The following PBX1 variants were observed in gnomAD, a reference collection of about 807,000 sequenced individuals.
PBX1 encodes pre-B-cell leukemia transcription factor 1.
Under a neutral mutation model 53.4 loss-of-function variants are expected in PBX1, and 6 were observed. That is an observed-to-expected ratio of 0.11 (90% CI 0.06 to 0.22). The LOEUF (loss-of-function observed/expected upper bound fraction) is 0.22, where lower values mean the gene tolerates loss of function less well. Ranked by LOEUF, PBX1 falls within the 10% of genes least tolerant of loss-of-function variation. The pLI is 1.00. For missense variants in PBX1, 251 were observed against 551.4 expected, an observed-to-expected ratio of 0.46 and a Z score of 5.46; for synonymous variants, 204 against 212.3, an observed-to-expected ratio of 0.96 and a Z score of 0.34.
intron 5 of PBX1, among the ~76,000 whole-genome samples, chr1:164,810,015 A>G (rs1174493647): frequency 6.6e-6 from 1 of 152,218 alleles, no homozygotes. Context: ...GCAATGTTCT[A>G]TATGCTTTAT....
chr1:164,725,530 T>C (rs1477688262), intron 2 of PBX1, among the ~76,000 whole-genome samples: 1 of 152,036 alleles, frequency 6.6e-6, no homozygotes, highest in Non-Finnish European at 1.5e-5. Flanking sequence ...TTATCTTCTC[T>C]AACGCCTTTC....
chr1:164,860,381 G>A (rs1055315556), intron 2 of PBX1, among the ~76,000 whole-genome samples: 1 of 152,136 alleles, frequency 6.6e-6, no homozygotes, highest in African/African-American at 2.4e-5. Context: ...CTGTTAAAAT[G>A]ATAGATAATG....
Position 164,846,487 on chromosome 1 carries a change from T to C in PBX1, c.1201-97T>C. The C allele has an allele frequency of 1.0e-5, 10 of 993,012 alleles. No individual in the cohort carries two copies. In the South Asian group the frequency reaches 1.0e-4, roughly 10 times the overall value. The allele number at this position is 993,012 out of a possible 1,614,324, so 61.5% of individuals were successfully genotyped here. A position where few individuals can be genotyped will look rare whatever the true frequency, so the allele number is the denominator to read the frequency against. ...GAGTGTCTCCATGTGCCAGGCACTA[T>C]GCTAGGTCCTTTACACAAGATGCCT... is the stretch of plus-strand genomic sequence containing the variant. On this transcript the variant is annotated intron_variant, in intron 8 of 8. Coordinates refer to ENST00000420696, the MANE Select transcript of PBX1 (RefSeq NM_002585.4).
chr1:164,816,839 GT>G (rs1460140071), intron 6 of PBX1: 3 of 151,608 alleles, frequency 2.0e-5, no homozygotes, highest in South Asian at 4.2e-4. Flanking sequence ...TTTTTTTATT[GT>G]TTTTTGCTTT....
intron 2 of PBX1, among the ~76,000 whole-genome samples, chr1:164,606,519 TG>T (rs1656571854): frequency 6.6e-6 from 1 of 152,312 alleles, no homozygotes; most frequent in African/African-American, 2.4e-5. Context: ...AAGGTTTCAG[TG>T]AGCTGAGGTA....
intron 3 of PBX1, among the ~76,000 whole-genome samples, chr1:164,796,707 C>T (rs376892566): frequency 8.5e-5 from 13 of 152,306 alleles, no homozygotes; most frequent in African/African-American, 2.6e-4. Flanking sequence ...CCAGAAACAA[C>T]GTTGCCCTGT....
intron 2 of PBX1, among the ~76,000 whole-genome samples, chr1:164,679,339 C>T (rs1434093475): frequency 2.0e-5 from 3 of 152,178 alleles, no homozygotes; most frequent in African/African-American, 7.2e-5. Flanking sequence ...GAGACAGTTA[C>T]TGAGACCATC....
chr1:164,836,233 T>C (rs558928379), intron 8 of PBX1, among the ~76,000 whole-genome samples: 1 of 152,316 alleles, frequency 6.6e-6, no homozygotes, highest in South Asian at 2.1e-4. Flanking sequence ...TTCTTCTCAG[T>C]TGTTGAACTT....
chr1:164,806,024 A>T (rs776924234), intron 4 of PBX1, among the ~76,000 whole-genome samples: 1 of 152,202 alleles, frequency 6.6e-6, no homozygotes, highest in Non-Finnish European at 1.5e-5. Flanking sequence ...TGTTGGCTAA[A>T]TTGGGAAATC....
intron 8 of PBX1, among the ~76,000 whole-genome samples, chr1:164,823,036 C>G (rs891422135): frequency 6.6e-6 from 1 of 152,122 alleles, no homozygotes. Context: ...TATTTTCTAC[C>G]TTTTTCAGGC....
intron 2 of PBX1, among the ~76,000 whole-genome samples, chr1:164,727,921 T>C (rs948271848): frequency 1.3e-5 from 2 of 152,194 alleles, no homozygotes; most frequent in Non-Finnish European, 2.9e-5. Flanking sequence ...TTGTCTACAT[T>C]TGTGTGCTCC....
intron 2 of PBX1, among the ~76,000 whole-genome samples, chr1:164,691,310 G>A (rs111236304): frequency 1.4e-4 from 21 of 152,254 alleles, no homozygotes; most frequent in South Asian, 4.1e-4. Flanking sequence ...CACTGTGCCC[G>A]GCGAGAGTTG....
At chr1:164,703,145 G>A (rs1388170065) in intron 2 of PBX1, 1 of 152,106 alleles carries the variant, frequency 6.6e-6, no homozygotes. Context: ...CCCCTCCTTA[G>A]GCAACCTAGT....
intron 6 of PBX1, chr1:164,816,136 G>A (rs1012758505): frequency 5.9e-5 from 9 of 152,128 alleles, no homozygotes; most frequent in African/African-American, 2.2e-4. Flanking sequence ...TGATTGAAGA[G>A]TGAAAACAAT....
intron 2 of PBX1, among the ~76,000 whole-genome samples, chr1:164,789,486 C>A (rs1374272668): frequency 6.6e-6 from 1 of 152,202 alleles, no homozygotes; most frequent in South Asian, 2.1e-4. Flanking sequence ...TTCTTTCATA[C>A]CTCACTGAGT....
Position 164,747,323 on chromosome 1 carries a change from A to G in PBX1, c.266-45171A>G, listed in dbSNP as rs191538474. ...ATCTGTATATGTATGAATCATGTAT[A>G]TATATATATATACACACACACACAT... On this transcript the variant is annotated intron_variant, in intron 2 of 8. Coordinates refer to ENST00000420696, the MANE Select transcript of PBX1 (RefSeq NM_002585.4). Among the ~76,000 whole-genome samples the G allele has an allele frequency of 5.1e-3, 775 of 151,938 alleles. 9 individuals carry two copies. Among genetic ancestry groups the G allele is most frequent in the African/African-American group, 0.018 (728 of 41,304 alleles).
At chr1:164,866,605 C>A (rs942065817) in intron 2 of PBX1, among the ~76,000 whole-genome samples, 4 of 152,206 alleles carry the variant, frequency 2.6e-5, no homozygotes, top group Non-Finnish European at 4.4e-5. Flanking sequence ...CTATTCTAAC[C>A]AGAAGTGTAG....
At chr1:164,665,788 G>T (rs1284216157) in intron 2 of PBX1, among the ~76,000 whole-genome samples, 1 of 152,106 alleles carries the variant, frequency 6.6e-6, no homozygotes, top group Non-Finnish European at 1.5e-5. Context: ...CAACTACATA[G>T]CTTGTCATCG....
rs1023260933 is a variant in PBX1, at chr1:164,680,023, C to A, written c.266-112471C>A. 5 of 152,220 alleles carry A rather than the reference C, an allele frequency of 3.3e-5. No homozygotes were observed. In the East Asian group the frequency reaches 7.7e-4, roughly 24 times the overall value. The allele number at this position is 152,220 out of a possible 1,614,324, so 9.4% of individuals were successfully genotyped here. ...AGTCACGTGAATTAATTAACAATTT[C>A]TTCCTTCCTAGCGAGAGTAAGACCA... On this transcript the variant is annotated intron_variant, in intron 2 of 8. Transcript: ENST00000420696.
Sources: allele counts gnomAD v4.1 joint callset (sites outside exome capture counted in the v4.1 genomes callset), GRCh38; gene constraint gnomAD v4.1.1; transcripts MANE v1.5; gene names NCBI Gene and HGNC (gene_info 2026-07-23, HGNC 2026-07-21).